KCNMB2: variants seen among roughly 807,000 people sequenced by gnomAD.
KCNMB2 encodes the protein calcium-activated potassium channel subunit beta-2.
Under a neutral mutation model 24.5 loss-of-function variants are expected in KCNMB2, and 9 were observed. That is an observed-to-expected ratio of 0.37 (90% CI 0.22 to 0.64). KCNMB2 has a LOEUF of 0.64. Ranked by LOEUF, KCNMB2 falls within the 30% of genes least tolerant of loss-of-function variation. The pLI is 0.63. For missense variants in KCNMB2, 226 were observed against 284.3 expected, an observed-to-expected ratio of 0.79 and a Z score of 1.47; for synonymous variants, 109 against 104.4, an observed-to-expected ratio of 1.04 and a Z score of -0.27.
At chr3:178,781,329 C>T (rs578179418) in intron 1 of KCNMB2, among the ~76,000 whole-genome samples, 163 of 152,096 alleles carry the variant, frequency 1.1e-3, no homozygotes, top group Admixed American at 1.7e-3. Context: ...CGGTGGCTCA[C>T]GCCTGTAATC....
chr3:178,636,995 T>G (rs1352282453), intron 1 of KCNMB2, among the ~76,000 whole-genome samples: 1 of 151,662 alleles, frequency 6.6e-6, no homozygotes, highest in Non-Finnish European at 1.5e-5. Context: ...GGAAAATGAC[T>G]TCCAACTCCA....
rs374341910 is a variant in KCNMB2 at position 178,571,502 on chromosome 3, CTTAT to C, written c.-68+34796_-68+34799del. The stretch of plus-strand genomic sequence containing the variant: ...TATATATATACTTTTTTCTGTTTCA[CTTAT>C]TTATGTATTTGTTTATGTATTTATT... On this transcript the variant is annotated intron_variant, in intron 1 of 4. Transcript: ENST00000452583. 5.1e-3 allele frequency among the ~76,000 whole-genome samples: 658 copies of C among 129,192 alleles called. 8 individuals carry two copies. Among genetic ancestry groups the C allele is most frequent in the African/African-American group, 0.017 (629 of 36,022 alleles). The allele number at this position is 129,192 out of a possible 152,430, so 84.8% of individuals were successfully genotyped here.
At chr3:178,723,956 G>A (rs184471489) in intron 1 of KCNMB2, among the ~76,000 whole-genome samples, 1 of 152,244 alleles carries the variant, frequency 6.6e-6, no homozygotes. Context: ...ACAAGTGCAG[G>A]TATCATTTTA....
At chr3:178,591,084 G>T (rs991533281) in intron 1 of KCNMB2, among the ~76,000 whole-genome samples, 2 of 152,094 alleles carry the variant, frequency 1.3e-5, no homozygotes, top group African/African-American at 4.8e-5. Flanking sequence ...GGTGTAATCT[G>T]CAACGGAGAG....
At chr3:178,553,775 A>T (rs116739326) in intron 1 of KCNMB2, among the ~76,000 whole-genome samples, 1,706 of 152,184 alleles carry the variant, frequency 0.011, 26 homozygotes, top group African/African-American at 0.04. Flanking sequence ...CCCAACCTCA[A>T]GGGATCTGCC....
At position 178,643,707 on chromosome 3, in the gene KCNMB2, A is replaced by G. The variant is rs568287486; in HGVS notation, c.-68+106996A>G. Among the ~76,000 whole-genome samples, 81 of 152,316 alleles carry G rather than the reference A, an allele frequency of 5.3e-4. 1 individual carries two copies. Among genetic ancestry groups the G allele is most frequent in the African/African-American group, 1.8e-3 (75 of 41,578 alleles). ...TAGGTTCCAGTCATAGAAATGCCCC[A>G]AATTTCAAACCCTCTAGCCTGACTT... On this transcript the variant is annotated intron_variant, in intron 1 of 4. Coordinates refer to ENST00000452583, the MANE Select transcript of KCNMB2 (RefSeq NM_181361.3).
At position 178,726,013 on chromosome 3, in the gene KCNMB2, C is replaced by T. The variant is rs1722956177; in HGVS notation, c.-67-81330C>T. Among the ~76,000 whole-genome samples, 3 of 151,180 alleles carry T rather than the reference C, an allele frequency of 2.0e-5. No homozygotes were observed. In the South Asian group the frequency reaches 6.3e-4, roughly 32 times the overall value. On this transcript the variant is annotated intron_variant, in intron 1 of 4. Coordinates refer to ENST00000452583, the MANE Select transcript of KCNMB2 (RefSeq NM_181361.3). ...TTTTTCATTCCTTTGTTTTCTATTCCTTGACTTTTTTGGATAATTTAAATA... is the reference window on the plus strand; with the variant it reads ...TTTTTCATTCCTTTGTTTTCTATTCTTTGACTTTTTTGGATAATTTAAATA...
At position 178,832,405 on chromosome 3, in the gene KCNMB2, C is replaced by A. The variant is rs1715088970; in HGVS notation, c.423+4032C>A. Among the ~76,000 whole-genome samples, 4 of 82,926 alleles carry A rather than the reference C, an allele frequency of 4.8e-5. 1 individual carries two copies. The allele number at this position is 82,926 out of a possible 152,430, so 54.4% of individuals were successfully genotyped here. ...TTTAACTATTATGTGCCAATACATG[C>A]AATTATTTTTATTTAGCCTACTTAG... On this transcript the variant is annotated intron_variant, in intron 4 of 4. Transcript: ENST00000452583.
intron 1 of KCNMB2, among the ~76,000 whole-genome samples, chr3:178,555,684 G>T (rs1188171991): frequency 1.3e-5 from 2 of 152,166 alleles, no homozygotes; most frequent in East Asian, 1.9e-4. Flanking sequence ...GAATGGGGAG[G>T]TATTTTTGTT....
intron 1 of KCNMB2, among the ~76,000 whole-genome samples, chr3:178,590,113 T>C (rs754267067): frequency 1.4e-4 from 21 of 152,180 alleles, no homozygotes; most frequent in African/African-American, 9.7e-5. Flanking sequence ...CCATTGAGAT[T>C]TGGGAAGGTT....
At chr3:178,637,378 T>C (rs540302696) in intron 1 of KCNMB2, among the ~76,000 whole-genome samples, 1 of 152,332 alleles carries the variant, frequency 6.6e-6, no homozygotes, top group East Asian at 1.9e-4. Flanking sequence ...AAACTATCTT[T>C]GTTTCCTATT....
chr3:178,573,758 A>T (rs1291641869), intron 1 of KCNMB2, among the ~76,000 whole-genome samples: 1 of 151,572 alleles, frequency 6.6e-6, no homozygotes, highest in Non-Finnish European at 1.5e-5. Flanking sequence ...AAAAAAAAAA[A>T]AAAAAAAAAA....
chr3:178,564,988 T>C (rs972023910), intron 1 of KCNMB2, among the ~76,000 whole-genome samples: 1 of 152,192 alleles, frequency 6.6e-6, no homozygotes, highest in Non-Finnish European at 1.5e-5. Context: ...AATATTAAAG[T>C]ATATGAAATT....
chr3:178,757,416 ATATATATGTATATATAT>A (rs1352537021), intron 1 of KCNMB2, among the ~76,000 whole-genome samples: 4 of 66,510 alleles, frequency 6.0e-5, no homozygotes, highest in Non-Finnish European at 1.1e-4. Flanking sequence ...AAGAGGATAT[ATATATATGTATATATAT>A]CCAAGAGGAT....
Position 178,779,003 on chromosome 3 carries a change from A to G in KCNMB2, c.-67-28340A>G, listed in dbSNP as rs78218897. On this transcript the variant is annotated intron_variant, in intron 1 of 4. Transcript: ENST00000452583. ...AGAAAATGTGTGAAATGTGAGGGGA[A>G]AGGATGAAGAAAGCACCATCTCGTA... Among the ~76,000 whole-genome samples the G allele has an allele frequency of 7.9e-3, 1,203 of 152,316 alleles. 15 individuals carry two copies. Among genetic ancestry groups the G allele is most frequent in the African/African-American group, 0.028 (1,170 of 41,568 alleles).
rs374242607 is a variant in KCNMB2 at position 178,769,448 on chromosome 3, T to A, written c.-67-37895T>A. On this transcript the variant is annotated intron_variant, in intron 1 of 4. Coordinates refer to ENST00000452583, the MANE Select transcript of KCNMB2 (RefSeq NM_181361.3). ...CTGTTGACACTCAAAGATGGTGCAG[T>A]TTGTGCAAGGCGTGAGATCGAGCAT... Among the ~76,000 whole-genome samples the A allele has an allele frequency of 3.3e-4, 50 of 152,156 alleles. 1 individual carries two copies. In the South Asian group the frequency reaches 9.5e-3, roughly 29 times the overall value.
At chr3:178,757,749 T>TATCTTATATCCATCC (rs1553774396) in intron 1 of KCNMB2, among the ~76,000 whole-genome samples, 12 of 74,730 alleles carry the variant, frequency 1.6e-4, no homozygotes, top group African/African-American at 3.2e-4. Context: ...TATATATATA[T>TATCTTATATCCATCC]AAGAGGATAT....
chr3:178,558,137 G>A (rs1716187339), intron 1 of KCNMB2, among the ~76,000 whole-genome samples: 1 of 152,090 alleles, frequency 6.6e-6, no homozygotes, highest in African/African-American at 2.4e-5. Flanking sequence ...CTGCATCTCT[G>A]AAGAGTTTCT....
chr3:178,617,073 ATGATTTTTGT>A (rs1718731965), intron 1 of KCNMB2, among the ~76,000 whole-genome samples: 1 of 152,092 alleles, frequency 6.6e-6, no homozygotes, highest in South Asian at 2.1e-4. Flanking sequence ...GCTCTTTAAG[ATGATTTTTGT>A]TGCGTGTGTT....
Sources: allele counts gnomAD v4.1 joint callset (sites outside exome capture counted in the v4.1 genomes callset), GRCh38; gene constraint gnomAD v4.1.1; transcripts MANE v1.5; gene names NCBI Gene and HGNC (gene_info 2026-07-23, HGNC 2026-07-21).